OPCML: variants seen among roughly 807,000 people sequenced by gnomAD.
OPCML encodes the protein opioid-binding protein/cell adhesion molecule.
A neutral mutation model predicts 37.8 loss-of-function variants in OPCML; 13 were observed. The ratio of observed to expected loss-of-function variants is 0.34; its 90% CI spans 0.22 to 0.55. OPCML has a LOEUF of 0.55. Ranked by LOEUF, OPCML falls within the 20% of genes least tolerant of loss-of-function variation. OPCML has a pLI of 0.91. For missense variants in OPCML, 341 were observed against 435.6 expected (o/e 0.78, Z 1.93); for synonymous variants, 176 against 168.8 (o/e 1.04, Z -0.33).
intron 1 of OPCML, among the ~76,000 whole-genome samples, chr11:133,192,200 G>T (rs1328917375): frequency 2.6e-5 from 4 of 152,130 alleles, no homozygotes; most frequent in African/African-American, 7.2e-5. Context: ...TTTCCTTCTT[G>T]GTCAGAGAGT....
At chr11:132,685,595 CAT>C (rs1331192133) in intron 2 of OPCML, among the ~76,000 whole-genome samples, 7 of 152,120 alleles carry the variant, frequency 4.6e-5, no homozygotes, top group African/African-American at 1.7e-4. Flanking sequence ...ACAGTAATTA[CAT>C]GTTTGAAGGA....
chr11:133,384,822 C>A (rs1171551754), intron 1 of OPCML, among the ~76,000 whole-genome samples: 2 of 152,204 alleles, frequency 1.3e-5, no homozygotes, highest in Admixed American at 1.3e-4. Context: ...TGGATCTGTC[C>A]CAGAATGCCT....
intron 4 of OPCML, among the ~76,000 whole-genome samples, chr11:132,481,475 C>T (rs947397269): frequency 3.3e-5 from 5 of 150,286 alleles, no homozygotes; most frequent in South Asian, 4.3e-4. Flanking sequence ...TAATGGGAGA[C>T]TTTAACACCC....
intron 3 of OPCML, among the ~76,000 whole-genome samples, chr11:132,653,020 T>C (rs973581398): frequency 6.6e-6 from 1 of 152,198 alleles, no homozygotes; most frequent in Non-Finnish European, 1.5e-5. Flanking sequence ...AACATTTACC[T>C]ACTCTCCAGC....
chr11:133,485,078 T>A (rs1183419477), intron 1 of OPCML, among the ~76,000 whole-genome samples: 1 of 152,096 alleles, frequency 6.6e-6, no homozygotes, highest in Non-Finnish European at 1.5e-5. Flanking sequence ...AAATAAACAC[T>A]GTGAGAAGAA....
At chr11:132,967,930 C>A (rs1946250668) in intron 1 of OPCML, among the ~76,000 whole-genome samples, 1 of 152,116 alleles carries the variant, frequency 6.6e-6, no homozygotes, top group South Asian at 2.1e-4. Context: ...AGGTTCACAA[C>A]AAACTTGAAA....
intron 2 of OPCML, among the ~76,000 whole-genome samples, chr11:132,875,839 C>A (rs1016685216): frequency 6.6e-6 from 1 of 152,150 alleles, no homozygotes; most frequent in African/African-American, 2.4e-5. Context: ...AAGATGAGAG[C>A]CTGGGTTCCT....
intron 1 of OPCML, among the ~76,000 whole-genome samples, chr11:133,191,402 A>G (rs1055158518): frequency 2.0e-5 from 3 of 152,096 alleles, no homozygotes; most frequent in South Asian, 2.1e-4. Flanking sequence ...AGAATGTTCA[A>G]TGTATATTTC....
intron 2 of OPCML, among the ~76,000 whole-genome samples, chr11:132,702,322 G>T (rs1046362485): frequency 3.9e-5 from 6 of 152,088 alleles, no homozygotes; most frequent in Admixed American, 3.3e-4. Context: ...AATTTTTCTG[G>T]TATAATATTC....
At chr11:133,478,124 G>C (rs1947283974) in intron 1 of OPCML, among the ~76,000 whole-genome samples, 1 of 152,150 alleles carries the variant, frequency 6.6e-6, no homozygotes, top group African/African-American at 2.4e-5. Context: ...AATCTGCTTT[G>C]GCTAAGATGC....
intron 1 of OPCML, among the ~76,000 whole-genome samples, chr11:133,169,293 A>G (rs942818359): frequency 1.3e-5 from 2 of 152,336 alleles, no homozygotes; most frequent in South Asian, 2.1e-4. Flanking sequence ...TCCAGAGGCT[A>G]ATTTCTTAAC....
intron 1 of OPCML, among the ~76,000 whole-genome samples, chr11:133,152,563 C>T (rs989440263): frequency 5.0e-5 from 6 of 120,088 alleles, no homozygotes; most frequent in Non-Finnish European, 1.0e-4. Context: ...AACCCCTTCC[C>T]TCCTGATCCC....
intron 1 of OPCML, chr11:133,423,063 T>A: frequency 1.0e-6 from 1 of 985,424 alleles, no homozygotes; most frequent in Non-Finnish European, 1.2e-6. Flanking sequence ...CCTTTAGATT[T>A]CAACTTATGC....
At chr11:133,080,365 GC>G (rs1475219016) in intron 1 of OPCML, among the ~76,000 whole-genome samples, 1 of 152,074 alleles carries the variant, frequency 6.6e-6, no homozygotes, top group Non-Finnish European at 1.5e-5. Context: ...CCGGTGTGTG[GC>G]CCACACGGTG....
chr11:133,228,733 A>G (rs1018341332), intron 1 of OPCML, among the ~76,000 whole-genome samples: 1 of 152,244 alleles, frequency 6.6e-6, no homozygotes, highest in Non-Finnish European at 1.5e-5. Context: ...GCCCCTCAGC[A>G]CGGGCCCAGG....
intron 1 of OPCML, among the ~76,000 whole-genome samples, chr11:133,372,482 G>T (rs572708964): frequency 1.3e-5 from 2 of 152,194 alleles, no homozygotes; most frequent in Non-Finnish European, 2.9e-5. Flanking sequence ...GCATATGAAA[G>T]CTCTTGGAAA....
At chr11:132,515,769 C>G (rs1405912135) in intron 4 of OPCML, among the ~76,000 whole-genome samples, 2 of 152,204 alleles carry the variant, frequency 1.3e-5, no homozygotes, top group East Asian at 1.9e-4. Context: ...CTTCTTCACA[C>G]TACCATCATT....
At chr11:133,466,449 A>G (rs1400416924) in intron 1 of OPCML, among the ~76,000 whole-genome samples, 1 of 152,198 alleles carries the variant, frequency 6.6e-6, no homozygotes, top group Admixed American at 6.5e-5. Flanking sequence ...ACCTTAGCAA[A>G]TGGGTAGAAT....
At chr11:133,186,407 C>G (rs1163646604) in intron 1 of OPCML, among the ~76,000 whole-genome samples, 4 of 149,238 alleles carry the variant, frequency 2.7e-5, no homozygotes, top group African/African-American at 9.9e-5. Flanking sequence ...AAAAGCGATT[C>G]AAATTCAGGC....
Sources: gnomAD v4.1 joint callset for allele counts (sites outside exome capture counted in the v4.1 genomes callset) on GRCh38, gnomAD v4.1.1 for gene constraint, MANE v1.5 for transcripts, NCBI Gene and HGNC (gene_info 2026-07-23, HGNC 2026-07-21) for gene names.